Variants in CSMD3 observed in about 807,000 individuals in gnomAD.
The protein encoded by CSMD3 is CUB and Sushi multiple domains 3.
Under a neutral mutation model 435.2 loss-of-function variants are expected in CSMD3, and 177 were observed. The observed-to-expected ratio is 0.41, with a 90% CI of 0.36 to 0.46. The LOEUF is 0.46. Ranked by LOEUF, CSMD3 falls within the 20% of genes least tolerant of loss-of-function variation. The pLI is 0.34. For missense variants in CSMD3, 4,265 were observed against 4,504.6 expected, an observed-to-expected ratio of 0.95 and a Z score of 1.52; for synonymous variants, 1,656 against 1,520.5, an observed-to-expected ratio of 1.09 and a Z score of -2.07.
intron 32 of CSMD3, among the ~76,000 whole-genome samples, chr8:112,448,710 A>G (rs1563547545): frequency 1.3e-5 from 2 of 151,608 alleles, no homozygotes; most frequent in Non-Finnish European, 2.9e-5. Flanking sequence ...CACCAGCCCT[A>G]AGAAACAATC....
chr8:113,419,530 G>A (rs757772950), intron 1 of CSMD3, among the ~76,000 whole-genome samples: 6 of 152,042 alleles, frequency 3.9e-5, no homozygotes, highest in Non-Finnish European at 7.4e-5. Context: ...GGTGTTGGGG[G>A]CAGATTTAGA....
chr8:112,343,639 T>C (rs548194377), intron 41 of CSMD3, among the ~76,000 whole-genome samples: 118 of 152,112 alleles, frequency 7.8e-4, no homozygotes, highest in Non-Finnish European at 1.4e-3. Flanking sequence ...ACTTAACTTT[T>C]TGTTTTTTCA....
chr8:113,181,395 T>G (rs1380199482), intron 3 of CSMD3, among the ~76,000 whole-genome samples: 1 of 152,066 alleles, frequency 6.6e-6, no homozygotes, highest in Non-Finnish European at 1.5e-5. Flanking sequence ...TAAGGTCCAC[T>G]GGCACTACAG....
At chr8:113,296,058 A>G (rs867352112) in intron 2 of CSMD3, among the ~76,000 whole-genome samples, 3 of 152,028 alleles carry the variant, frequency 2.0e-5, no homozygotes, top group African/African-American at 7.2e-5. Flanking sequence ...CAAAAAACCA[A>G]ACATTGCATG....
intron 69 of CSMD3, 130 bp downstream of exon 69, chr8:112,231,415 C>A: frequency 1.4e-6 from 1 of 714,150 alleles, no homozygotes; most frequent in Non-Finnish European, 2.5e-6. Flanking sequence ...TCAAAGGTAT[C>A]AATGCATAGT....
intron 1 of CSMD3, among the ~76,000 whole-genome samples, chr8:113,426,795 G>A (rs1000505587): frequency 6.6e-6 from 1 of 151,452 alleles, no homozygotes; most frequent in Non-Finnish European, 1.5e-5. Context: ...GCTGATGGCT[G>A]ATCATAAGTT....
intron 22 of CSMD3, among the ~76,000 whole-genome samples, chr8:112,595,243 T>A (rs1327158366): frequency 6.6e-6 from 1 of 151,846 alleles, no homozygotes; most frequent in Non-Finnish European, 1.5e-5. Context: ...GTCGATGCGA[T>A]CAACTGGAAG....
chr8:112,439,222 G>T (rs1038366323), intron 32 of CSMD3, among the ~76,000 whole-genome samples: 3 of 152,078 alleles, frequency 2.0e-5, no homozygotes, highest in African/African-American at 7.2e-5. Context: ...CTCACTTCAA[G>T]TTCTGCCTTC....
chr8:112,747,818 C>A (rs892025859), intron 13 of CSMD3, among the ~76,000 whole-genome samples: 12 of 152,184 alleles, frequency 7.9e-5, no homozygotes, highest in Non-Finnish European at 1.0e-4. Flanking sequence ...AAAAAATTAG[C>A]CGGGCGCAGT....
At chr8:112,962,966 C>T (rs890089548) in intron 7 of CSMD3, among the ~76,000 whole-genome samples, 3 of 151,952 alleles carry the variant, frequency 2.0e-5, no homozygotes, top group Non-Finnish European at 2.9e-5. Flanking sequence ...TTAGAATCTG[C>T]AGTTTAACAA....
intron 28 of CSMD3, among the ~76,000 whole-genome samples, chr8:112,515,801 T>C (rs1314748886): frequency 2.6e-5 from 4 of 152,112 alleles, no homozygotes; most frequent in African/African-American, 9.7e-5. Flanking sequence ...TTGGTGCATT[T>C]AGTGTTTTCT....
chr8:113,347,117 A>C (rs1467698303), intron 1 of CSMD3, among the ~76,000 whole-genome samples: 1 of 152,248 alleles, frequency 6.6e-6, no homozygotes, highest in East Asian at 1.9e-4. Context: ...TTAATAAATA[A>C]ATAAATAAAT....
intron 52 of CSMD3, 147 bp downstream of exon 52, chr8:112,304,574 G>A: frequency 4.5e-6 from 3 of 666,268 alleles, no homozygotes; most frequent in Non-Finnish European, 7.8e-6. Flanking sequence ...AACATAGTTA[G>A]AAAATTTAAA....
At chr8:113,143,204 A>G (rs1200870105) in intron 4 of CSMD3, among the ~76,000 whole-genome samples, 1 of 151,498 alleles carries the variant, frequency 6.6e-6, no homozygotes, top group African/African-American at 2.4e-5. Context: ...AATGGCAAAT[A>G]AACACACAAA....
intron 13 of CSMD3, among the ~76,000 whole-genome samples, chr8:112,782,532 G>A (rs1412755433): frequency 1.3e-5 from 2 of 151,944 alleles, no homozygotes; most frequent in African/African-American, 2.4e-5. Flanking sequence ...TGTATTCAAA[G>A]GGATAAAAAC....
At chr8:112,911,996 T>C (rs1254679962) in intron 10 of CSMD3, among the ~76,000 whole-genome samples, 2 of 149,638 alleles carry the variant, frequency 1.3e-5, no homozygotes, top group African/African-American at 4.9e-5. Context: ...TTTCCTGTCA[T>C]ATGTTATCAT....
chr8:112,518,630 G>GAA (rs1491346600), intron 27 of CSMD3, among the ~76,000 whole-genome samples: 1 of 110,666 alleles, frequency 9.0e-6, no homozygotes, highest in Non-Finnish European at 2.1e-5. Context: ...GTGTGTGTGT[G>GAA]AGAGAGAGAG....
rs575179254 is a variant in CSMD3, at chr8:113,183,423, A to T, written c.515-9507T>A. On this transcript the variant is annotated intron_variant, in intron 3 of 70. Coordinates refer to ENST00000297405, the MANE Select transcript of CSMD3 (RefSeq NM_198123.2). ...CAAGGAACACTCTTCCCAACCCCCA[A>T]CTTGTTCAAACCATGGCTTACACTG... Among the ~76,000 whole-genome samples, 4 of 151,970 alleles carry T rather than the reference A, an allele frequency of 2.6e-5. No individual in the cohort carries two copies. In the East Asian group the frequency reaches 7.8e-4, roughly 30 times the overall value.
chr8:112,474,252 A>G (rs576724781), intron 31 of CSMD3, among the ~76,000 whole-genome samples: 1 of 152,296 alleles, frequency 6.6e-6, no homozygotes, highest in African/African-American at 2.4e-5. Flanking sequence ...AGCCCAAAAT[A>G]GTATCTGGTC....
Sources: allele counts gnomAD v4.1 joint callset (sites outside exome capture counted in the v4.1 genomes callset), GRCh38; gene constraint gnomAD v4.1.1; transcripts MANE v1.5; gene names NCBI Gene and HGNC (gene_info 2026-07-23, HGNC 2026-07-21).